The following WDR72 variants were observed in gnomAD, a reference collection of about 807,000 sequenced individuals.
The protein encoded by WDR72 is WD repeat domain 72.
In WDR72, 120 loss-of-function variants were observed where a neutral mutation model predicts 124.2. The ratio of observed to expected loss-of-function variants is 0.97; its 90% CI spans 0.83 to 1.12. The LOEUF (loss-of-function observed/expected upper bound fraction) is 1.12, where lower values mean the gene tolerates loss of function less well. Among genes scored for constraint, WDR72 ranks in the 50% most tolerant of loss-of-function variants. The pLI, the probability that WDR72 is intolerant of heterozygous loss-of-function variation, is 0.00. For synonymous variants in WDR72, 452 were observed against 441.7 expected, an observed-to-expected ratio of 1.02 and a Z score of -0.29; for missense variants, 1,387 against 1,278.8, an observed-to-expected ratio of 1.08 and a Z score of -1.29.
At chr15:53,691,662 G>C (rs1055370293) in intron 13 of WDR72, among the ~76,000 whole-genome samples, 2 of 98,088 alleles carry the variant, frequency 2.0e-5, no homozygotes, top group Non-Finnish European at 4.3e-5. Context: ...TAGATAGATA[G>C]ATAGATAGAT....
At position 53,585,076 on chromosome 15, in the gene WDR72, C is replaced by T. The variant is rs571098996; in HGVS notation, c.3148+12003G>A. Among the ~76,000 whole-genome samples, 147 of 152,052 alleles carry T rather than the reference C, an allele frequency of 9.7e-4. 5 individuals are homozygous for T. In the South Asian group the frequency reaches 0.03, roughly 31 times the overall value. ...GCCTACATCCCCCACTTCTCTCACCCCTATGAATAAGGATATATAAGTTTT... is the reference window on the plus strand; with the variant it reads ...GCCTACATCCCCCACTTCTCTCACCTCTATGAATAAGGATATATAAGTTTT... On this transcript the variant is annotated intron_variant, in intron 18 of 19. Transcript: ENST00000360509.
intron 18 of WDR72, among the ~76,000 whole-genome samples, chr15:53,572,433 T>A (rs114192420): frequency 0.018 from 2,718 of 152,112 alleles, 79 homozygotes; most frequent in African/African-American, 0.063. Context: ...GCCCTACCTA[T>A]GATATTTTCC....
chr15:53,563,435 T>C (rs1374691554), intron 18 of WDR72, among the ~76,000 whole-genome samples: 1 of 151,866 alleles, frequency 6.6e-6, no homozygotes, highest in Admixed American at 6.6e-5. Flanking sequence ...CTGCCTGTTA[T>C]AAAATAGATA....
chr15:53,721,053 G>C (rs1357216809), intron 3 of WDR72, among the ~76,000 whole-genome samples: 1 of 152,114 alleles, frequency 6.6e-6, no homozygotes, highest in African/African-American at 2.4e-5. Context: ...GTTAAGACTT[G>C]CTAAGAACAC....
At chr15:53,691,917 C>T (rs2016858339) in intron 13 of WDR72, among the ~76,000 whole-genome samples, 3 of 152,156 alleles carry the variant, frequency 2.0e-5, no homozygotes, top group Admixed American at 2.0e-4. Flanking sequence ...TACTTGTGCT[C>T]ATGGAAGCTA....
At chr15:53,565,972 C>T (rs1037528359) in intron 18 of WDR72, among the ~76,000 whole-genome samples, 4 of 152,038 alleles carry the variant, frequency 2.6e-5, no homozygotes, top group South Asian at 2.1e-4. Flanking sequence ...AGAGAAGGAA[C>T]GCTCTGATTA....
chr15:53,613,644 T>G (rs750800620), intron 16 of WDR72, 22 bp downstream of exon 16: 11 of 1,541,198 alleles, frequency 7.1e-6, no homozygotes, highest in Non-Finnish European at 9.9e-6. Context: ...TCAGATCATA[T>G]CTGTGCCAGT....
upstream of WDR72, among the ~76,000 whole-genome samples, chr15:53,760,729 C>G (rs1318029877): frequency 6.6e-6 from 1 of 151,954 alleles, no homozygotes; most frequent in Non-Finnish European, 1.5e-5. Context: ...TATGGTAGTT[C>G]TAGTTTTAGT....
chr15:53,531,437 A>G (rs1892462602), intron 18 of WDR72, among the ~76,000 whole-genome samples: 1 of 152,102 alleles, frequency 6.6e-6, no homozygotes. Context: ...ATTTAAAAGT[A>G]TTAGTTTTAT....
In WDR72 at chr15:53,730,130, T is replaced by C. The variant is rs560265182; in HGVS notation, c.153+2867A>G. On this transcript the variant is annotated intron_variant, in intron 2 of 19. Coordinates refer to ENST00000360509, the MANE Select transcript of WDR72 (RefSeq NM_182758.4). ...TGGAAGCAACCCATGTATGTATCCA[T>C]AGATGAACAGATAAACAAAATGTGG... 3.9e-5 allele frequency among the ~76,000 whole-genome samples: 6 copies of C among 152,254 alleles called. No homozygotes were observed. The South Asian group carries it at 1.0e-3, about 26-fold the overall frequency.
At chr15:53,590,036 C>T (rs1482136107) in intron 18 of WDR72, among the ~76,000 whole-genome samples, 1 of 151,990 alleles carries the variant, frequency 6.6e-6, no homozygotes, top group Non-Finnish European at 1.5e-5. Flanking sequence ...TAAATGACTA[C>T]AATGCTTTTT....
intron 19 of WDR72, among the ~76,000 whole-genome samples, chr15:53,520,211 A>G (rs1378409675): frequency 6.6e-6 from 1 of 152,116 alleles, no homozygotes; most frequent in Non-Finnish European, 1.5e-5. Flanking sequence ...ACAAAGCAAT[A>G]TACTTGAACT....
In WDR72 at chr15:53,613,591, AG is replaced by A. The variant is rs1288182664; in HGVS notation, c.2872+74del. On this transcript the variant is annotated intron_variant, in intron 16 of 19. Transcript: ENST00000360509. ...GTTATTTATTTTGACACTGCTAACC[AG>A]TTATAGAAAGACTAGTTATGTCCTT... 1.4e-5 allele frequency: 13 copies of A among 935,844 alleles called. No homozygotes were observed. In the Admixed American group the frequency reaches 2.1e-4, roughly 15 times the overall value. The allele number at this position is 935,844 out of a possible 1,614,324, so 58.0% of individuals were successfully genotyped here. A position where few individuals can be genotyped will look rare whatever the true frequency, so the allele number is the denominator to read the frequency against.
At chr15:53,729,538 C>T (rs1454440224) in intron 2 of WDR72, among the ~76,000 whole-genome samples, 1 of 151,780 alleles carries the variant, frequency 6.6e-6, no homozygotes, top group African/African-American at 2.4e-5. Context: ...GGATTCCATG[C>T]TGGACCCATC....
In WDR72 at chr15:53,733,121, A is replaced by T; in HGVS notation, c.29T>A (p.Leu10His). 6.2e-7 allele frequency: 1 copy of T among 1,614,074 alleles called. No homozygotes were observed. The highest frequency in any genetic ancestry group is 1.7e-5 in the Admixed American group (1 of 60,002). The change falls in exon 2 of 20, where the codon CTC (leucine) becomes CAC (histidine). Residue 10 changes from leucine to histidine, a missense_variant. Coordinates refer to ENST00000360509, the MANE Select transcript of WDR72 (RefSeq NM_182758.4). ...GTGGGGAGGGGCCTTCTGTCCCCAG[A>T]GTGCCACTGCCTGCAGGGAAGTCCT... MRTSLQAVA[L>H]WGQKAPPHSI...
intron 2 of WDR72, among the ~76,000 whole-genome samples, chr15:53,732,715 T>TA (rs1340021574): frequency 2.0e-5 from 3 of 152,190 alleles, no homozygotes; most frequent in Non-Finnish European, 4.4e-5. Flanking sequence ...CTTAAACATA[T>TA]AATTCAGGAT....
intron 18 of WDR72, among the ~76,000 whole-genome samples, chr15:53,567,596 A>T (rs62005914): frequency 0.29 from 43,445 of 151,988 alleles, 7,498 homozygotes; most frequent in Middle Eastern, 0.56. Context: ...TTATAAATAA[A>T]AGACAATATC....
chr15:53,714,338 C>T, intron 6 of WDR72, 96 bp downstream of exon 6: 7 of 998,814 alleles, frequency 7.0e-6, no homozygotes, highest in Non-Finnish European at 1.1e-5. Context: ...GTTATTTGAA[C>T]TTTTGACAAT....
chr15:53,566,171 G>A (rs1404262136), intron 18 of WDR72, among the ~76,000 whole-genome samples: 1 of 151,886 alleles, frequency 6.6e-6, no homozygotes, highest in Non-Finnish European at 1.5e-5. Flanking sequence ...GTTATTACTG[G>A]TTTCAGACAA....
Sources: gnomAD v4.1 joint callset for allele counts (sites outside exome capture counted in the v4.1 genomes callset) on GRCh38, gnomAD v4.1.1 for gene constraint, MANE v1.5 for transcripts, NCBI Gene and HGNC (gene_info 2026-07-23, HGNC 2026-07-21) for gene names.